Variants in MYO9B observed in about 807,000 individuals in gnomAD.
The protein encoded by MYO9B is unconventional myosin-IXb.
A neutral mutation model predicts 229.5 loss-of-function variants in MYO9B; 71 were observed. That is an observed-to-expected ratio of 0.31 (90% CI 0.26 to 0.38). The LOEUF (loss-of-function observed/expected upper bound fraction) is 0.38. Among genes scored for constraint, MYO9B ranks in the 10% least tolerant of loss-of-function variants. The pLI, the probability that MYO9B is intolerant of heterozygous loss-of-function variation, is 1.00. For missense variants in MYO9B, 2,255 were observed against 2,920.5 expected (o/e 0.77, Z 5.25); for synonymous variants, 1,185 against 1,235.8 (o/e 0.96, Z 0.86).
chr19:17,145,379 C>CT lies in MYO9B; in HGVS notation c.841-14dup. On this transcript the variant is annotated splice_polypyrimidine_tract_variant and intron_variant, in intron 2 of 39. Coordinates refer to ENST00000682292, the MANE Select transcript of MYO9B (RefSeq NM_004145.4). ...TTCCACCCTCCTGATCTGAAACCTG[C>CT]TTTTGATTTCCTTGCAGGCTTTTGG... 1 of 1,610,474 alleles carries CT rather than the reference C, an allele frequency of 6.2e-7. No homozygotes were observed. Among genetic ancestry groups the CT allele is most frequent in the Non-Finnish European group, 8.5e-7 (1 of 1,176,756 alleles).
chr19:17,078,765 T>C (rs981841803), intron 1 of MYO9B, among the ~76,000 whole-genome samples: 1 of 152,160 alleles, frequency 6.6e-6, no homozygotes, highest in African/African-American at 2.4e-5. Context: ...CACAAGCAGA[T>C]ACCTTTGAAG....
chr19:17,151,539 A>G (rs1407211134), intron 3 of MYO9B, among the ~76,000 whole-genome samples: 1 of 152,226 alleles, frequency 6.6e-6, no homozygotes, highest in Non-Finnish European at 1.5e-5. Context: ...ACGTCAATGT[A>G]TACTTCATCA....
At chr19:17,202,666 A>G (rs1295664656) in intron 28 of MYO9B, among the ~76,000 whole-genome samples, 176 bp from the exon 29 acceptor site, 1 of 152,148 alleles carries the variant, frequency 6.6e-6, no homozygotes, top group Non-Finnish European at 1.5e-5. Flanking sequence ...CACCCTCCCC[A>G]ACAGAGCCTC....
Position 17,175,722 on chromosome 19 carries a change from C to G in MYO9B, c.2200C>G (p.Pro734Ala). 1 of 1,575,142 alleles carries G rather than the reference C, an allele frequency of 6.3e-7. No homozygotes were observed. The highest frequency in any genetic ancestry group is 1.4e-5 in the African/African-American group (1 of 73,960). The change falls in exon 14 of 40, where the codon CCT (proline) becomes GCT (alanine). Residue 734 changes from proline (P) to alanine (A), a missense_variant. Coordinates refer to ENST00000682292, the MANE Select transcript of MYO9B (RefSeq NM_004145.4). Reference protein sequence around the residue: ...PEELPRGASTPSEKLYRDLHN... With the variant: ...PEELPRGASTASEKLYRDLHN... ...AGAGCTGCCAAGAGGAGCCAGCACC[C>G]CTTCGGAAAAACTTTACCGGTGAGC...
chr19:17,117,937 CAAAAAAA>C (rs567862829), intron 2 of MYO9B, among the ~76,000 whole-genome samples: 1 of 91,402 alleles, frequency 1.1e-5, no homozygotes, highest in Non-Finnish European at 2.1e-5. Flanking sequence ...CACTCTTCCT[CAAAAAAA>C]AAAAAAAAAA....
At chr19:17,154,732 TG>T (rs1204180208) in intron 6 of MYO9B, among the ~76,000 whole-genome samples, 1 of 151,822 alleles carries the variant, frequency 6.6e-6, no homozygotes, top group African/African-American at 2.4e-5. Context: ...GAGGCCAAGG[TG>T]GAGGATTGCA....
chr19:17,168,181 T>C (rs886977618), intron 11 of MYO9B, 117 bp downstream of exon 11: 12 of 1,367,774 alleles, frequency 8.8e-6, no homozygotes, highest in Non-Finnish European at 3.0e-6. Flanking sequence ...CTTTTTATTT[T>C]TGAGACAGGG....
intron 17 of MYO9B, among the ~76,000 whole-genome samples, 196 bp from the exon 18 acceptor site, chr19:17,185,725 G>C (rs760812030): frequency 6.6e-6 from 1 of 152,038 alleles, no homozygotes; most frequent in East Asian, 1.9e-4. Context: ...TAACTCCCTC[G>C]AGGGTTTCCA....
intron 2 of MYO9B, among the ~76,000 whole-genome samples, chr19:17,141,607 A>G (rs1257899486): frequency 2.0e-5 from 3 of 152,062 alleles, no homozygotes; most frequent in Non-Finnish European, 4.4e-5. Context: ...TCCGCCAGCC[A>G]CCACCTCTTC....
At chr19:17,137,732 C>G (rs1340725601) in intron 2 of MYO9B, among the ~76,000 whole-genome samples, 1 of 152,076 alleles carries the variant, frequency 6.6e-6, no homozygotes, top group East Asian at 1.9e-4. Context: ...GTATCTGGGC[C>G]TCCCATGGTC....
At chr19:17,138,349 C>T (rs12978830) in intron 2 of MYO9B, among the ~76,000 whole-genome samples, 33,249 of 152,046 alleles carry the variant, frequency 0.22, 4,490 homozygotes, top group African/African-American at 0.38. Context: ...TGAATAGTGC[C>T]GCAGTAAACA....
intron 24 of MYO9B, among the ~76,000 whole-genome samples, chr19:17,199,193 A>C (rs1454199694): frequency 1.4e-5 from 2 of 147,230 alleles, no homozygotes; most frequent in Admixed American, 1.4e-4. Context: ...AGAGAATGAC[A>C]CTCTGTCTCA....
At chr19:17,126,917 A>ACCCCCT (rs1353940765) in intron 2 of MYO9B, among the ~76,000 whole-genome samples, 1 of 32,702 alleles carries the variant, frequency 3.1e-5, no homozygotes. Context: ...CCCCACCCCC[A>ACCCCCT]CCCCCACCCC....
At position 17,211,940 on chromosome 19, in the gene MYO9B, G is replaced by GCCCCCCCCCCC; in HGVS notation, c.6109_6110insCCCCCCCCCCC (p.Leu2037ProfsTer20). The GCCCCCCCCCCC allele has an allele frequency of 8.5e-7, 1 of 1,183,082 alleles. No homozygotes were observed. The highest frequency in any genetic ancestry group is 1.1e-6 in the Non-Finnish European group (1 of 884,832). The allele number at this position is 1,183,082 out of a possible 1,614,324, so 73.3% of individuals were successfully genotyped here. ...CCTTGCCCCGGCGCGCCCACCCCGA[G>GCCCCCCCCCCC]CCCCCTCCCCACCGTGGCCGCCCCT... On this transcript the variant is annotated frameshift_variant, in exon 40 of 40. Coordinates refer to ENST00000682292, the MANE Select transcript of MYO9B (RefSeq NM_004145.4). LOFTEE classifies it low-confidence loss of function (END_TRUNC).
chr19:17,154,301 C>A lies in MYO9B; in HGVS notation c.1099-14C>A. On this transcript the variant is annotated splice_polypyrimidine_tract_variant and intron_variant, in intron 5 of 39. Transcript: ENST00000682292. ...CCCAGGAATGCCCAGAGTACCCATGCCTTTGTTTTCCAGCATAACTTGAAG... is the reference window on the plus strand; with the variant it reads ...CCCAGGAATGCCCAGAGTACCCATGACTTTGTTTTCCAGCATAACTTGAAG... 1 of 1,608,586 alleles carries A rather than the reference C, an allele frequency of 6.2e-7. No homozygotes were observed. The highest frequency in any genetic ancestry group is 1.1e-5 in the South Asian group (1 of 90,870).
chr19:17,148,515 C>T (rs909772215), intron 3 of MYO9B, among the ~76,000 whole-genome samples: 1 of 152,166 alleles, frequency 6.6e-6, no homozygotes, highest in Non-Finnish European at 1.5e-5. Flanking sequence ...TCTGGTGGCT[C>T]CCTTGGCTCA....
At chr19:17,130,785 A>G (rs999252003) in intron 2 of MYO9B, among the ~76,000 whole-genome samples, 6 of 150,814 alleles carry the variant, frequency 4.0e-5, no homozygotes, top group Admixed American at 4.0e-4. Flanking sequence ...AAAAAAAAAA[A>G]AAATCTAGAA....
At chr19:17,100,196 G>A (rs999840841) in intron 1 of MYO9B, among the ~76,000 whole-genome samples, 1 of 151,646 alleles carries the variant, frequency 6.6e-6, no homozygotes, top group African/African-American at 2.4e-5. Flanking sequence ...TAGGCCAGGC[G>A]TGGTGGCTCA....
chr19:17,145,312 A>G, intron 2 of MYO9B, 85 bp from the exon 3 acceptor site: 1 of 1,211,646 alleles, frequency 8.3e-7, no homozygotes, highest in Non-Finnish European at 1.2e-6. Context: ...TACAAAATAT[A>G]AAAGCACAGT....
Sources: gnomAD v4.1 joint callset for allele counts (sites outside exome capture counted in the v4.1 genomes callset) on GRCh38, gnomAD v4.1.1 for gene constraint, MANE v1.5 for transcripts, NCBI Gene and HGNC (gene_info 2026-07-23, HGNC 2026-07-21) for gene names.